Variants in GALNT18 observed in about 807,000 individuals in gnomAD.
GALNT18 encodes the protein polypeptide N-acetylgalactosaminyltransferase 18, also known as GalNAc-transferase 18.
In GALNT18, 44 loss-of-function variants were observed where a neutral mutation model predicts 69.5. The observed-to-expected ratio is 0.63, with a 90% CI of 0.50 to 0.81. The LOEUF (loss-of-function observed/expected upper bound fraction) is 0.81. Among genes scored for constraint, GALNT18 ranks in the 40% least tolerant of loss-of-function variants. The pLI, the probability that GALNT18 is intolerant of heterozygous loss-of-function variation, is 0.00. For missense variants in GALNT18, 715 were observed against 810.0 expected, an observed-to-expected ratio of 0.88 and a Z score of 1.42; for synonymous variants, 364 against 318.2, an observed-to-expected ratio of 1.14 and a Z score of -1.53.
In GALNT18 at chr11:11,372,929, A is replaced by G. The variant is rs1290387610; in HGVS notation, c.978-300T>C. 6.6e-6 allele frequency among the ~76,000 whole-genome samples: 1 copy of G among 152,046 alleles called. No homozygotes were observed. Among genetic ancestry groups the G allele is most frequent in the Non-Finnish European group, 1.5e-5 (1 of 68,030 alleles). ...CAGCCTGCCAGTCTAGGTTGACTGT[A>G]TCTCCCGCTGCCCTGACCCTGACCT... On this transcript the variant is annotated intron_variant, in intron 5 of 10. Transcript: ENST00000227756. The surrounding 1 kb of genome is among the most constrained non-coding windows in gnomAD (Gnocchi z 4.9).
intron 10 of GALNT18, among the ~76,000 whole-genome samples, chr11:11,272,704 C>T (rs566106014): frequency 7.9e-4 from 121 of 152,320 alleles, no homozygotes; most frequent in African/African-American, 2.8e-3. Flanking sequence ...CTCAACTCCT[C>T]CATTTCCTCC....
At chr11:11,272,630 G>A (rs1238586118) in intron 10 of GALNT18, among the ~76,000 whole-genome samples, 1 of 152,192 alleles carries the variant, frequency 6.6e-6, no homozygotes, top group African/African-American at 2.4e-5. Flanking sequence ...AGCAAGCTGT[G>A]CTCTCCGCTT....
intron 1 of GALNT18, among the ~76,000 whole-genome samples, chr11:11,453,735 C>A (rs545035268): frequency 1.3e-5 from 2 of 152,204 alleles, no homozygotes; most frequent in Non-Finnish European, 2.9e-5. Flanking sequence ...CCTGCACACG[C>A]TCTCTTCCCT....
Position 11,595,638 on chromosome 11 carries a change from A to G in GALNT18, c.235+25721T>C, listed in dbSNP as rs1170135467. On this transcript the variant is annotated intron_variant, in intron 1 of 10. Coordinates refer to ENST00000227756, the MANE Select transcript of GALNT18 (RefSeq NM_198516.3). The surrounding 1 kb of genome is among the most constrained non-coding windows in gnomAD (Gnocchi z 5.2). ...ATTTACATTTCCCAAATGGCTAATTATGTCCAGCATCCTTTCATGTGGTTA... is the reference window on the plus strand; with the variant it reads ...ATTTACATTTCCCAAATGGCTAATTGTGTCCAGCATCCTTTCATGTGGTTA... 6.6e-6 allele frequency among the ~76,000 whole-genome samples: 1 copy of G among 152,212 alleles called. No individual in the cohort carries two copies. Among genetic ancestry groups the G allele is most frequent in the Non-Finnish European group, 1.5e-5 (1 of 68,036 alleles).
chr11:11,515,832 G>A (rs376607643), intron 1 of GALNT18, among the ~76,000 whole-genome samples: 1 of 152,320 alleles, frequency 6.6e-6, no homozygotes, highest in East Asian at 1.9e-4. Flanking sequence ...CAGGAAGGAA[G>A]GGCCCTGAAA....
intron 1 of GALNT18, among the ~76,000 whole-genome samples, chr11:11,545,013 G>C (rs976258869): frequency 2.0e-5 from 3 of 152,136 alleles, no homozygotes; most frequent in Non-Finnish European, 4.4e-5. Context: ...CAAATAATTA[G>C]AGCAGTATTT....
chr11:11,372,475 G>A lies in GALNT18; in HGVS notation c.1092+40C>T. Reference sequence around the variant, plus strand: ...ACCCCCAGACTCATTCACCCTGGTGGGAGCTGAGCCGAGCAGTTTGAGTGA... The same window carrying A: ...ACCCCCAGACTCATTCACCCTGGTGAGAGCTGAGCCGAGCAGTTTGAGTGA... On this transcript the variant is annotated intron_variant, in intron 6 of 10. Coordinates refer to ENST00000227756, the MANE Select transcript of GALNT18 (RefSeq NM_198516.3). This position sits in a 1 kb window ranked among gnomAD's most constrained non-coding sequence, Gnocchi z 4.9. 6.6e-7 allele frequency: 1 copy of A among 1,510,846 alleles called. No individual in the cohort carries two copies. Among genetic ancestry groups the A allele is most frequent in the East Asian group, 2.3e-5 (1 of 44,348 alleles). The allele number at this position is 1,510,846 out of a possible 1,614,324, so 93.6% of individuals were successfully genotyped here. A position where few individuals can be genotyped will look rare whatever the true frequency, so the allele number is the denominator to read the frequency against.
intron 1 of GALNT18, among the ~76,000 whole-genome samples, chr11:11,487,241 T>G (rs1053383981): frequency 1.3e-5 from 2 of 152,090 alleles, no homozygotes; most frequent in African/African-American, 4.8e-5. Flanking sequence ...AATGACACAG[T>G]GGACTTTGGG....
intron 6 of GALNT18, chr11:11,351,869 G>A (rs928328272): frequency 2.1e-5 from 25 of 1,172,212 alleles, no homozygotes; most frequent in Admixed American, 2.1e-4. Context: ...ACCCCTCCCC[G>A]CCAGGCGCAA....
chr11:11,591,955 T>C lies in GALNT18; in HGVS notation c.235+29404A>G, dbSNP rs79493964. ...CCCAACACATGCTGACTGAGTGACC[T>C]CAGATACATGATTTAATGTTTCTGT... is the stretch of plus-strand genomic sequence containing the variant. On this transcript the variant is annotated intron_variant, in intron 1 of 10. Coordinates refer to ENST00000227756, the MANE Select transcript of GALNT18 (RefSeq NM_198516.3). This position sits in a 1 kb window ranked among gnomAD's most constrained non-coding sequence, Gnocchi z 4.8. Among the ~76,000 whole-genome samples, 3,684 of 152,272 alleles carry C rather than the reference T, an allele frequency of 0.024. 155 individuals carry two copies. The highest frequency in any genetic ancestry group is 0.085 in the African/African-American group (3,512 of 41,522).
At chr11:11,517,501 A>G (rs747192393) in intron 1 of GALNT18, among the ~76,000 whole-genome samples, 4 of 152,234 alleles carry the variant, frequency 2.6e-5, no homozygotes, top group Non-Finnish European at 5.9e-5. Context: ...ATATGGACTT[A>G]ATTTAATCAA....
intron 2 of GALNT18, among the ~76,000 whole-genome samples, chr11:11,434,416 G>A (rs1232239509): frequency 6.6e-6 from 1 of 152,182 alleles, no homozygotes. Context: ...GGTACAGCAG[G>A]AAGTGGACAC....
chr11:11,285,680 C>G (rs750978086), intron 10 of GALNT18, among the ~76,000 whole-genome samples: 1 of 152,178 alleles, frequency 6.6e-6, no homozygotes, highest in Non-Finnish European at 1.5e-5. Context: ...ATTAAATACT[C>G]GATTATTGTC....
intron 3 of GALNT18, among the ~76,000 whole-genome samples, chr11:11,394,157 T>G (rs1170378738): frequency 6.6e-6 from 1 of 152,236 alleles, no homozygotes; most frequent in Non-Finnish European, 1.5e-5. Flanking sequence ...TGACAACCTC[T>G]GCAGGGGATT....
chr11:11,457,658 T>C (rs913804308), intron 1 of GALNT18, among the ~76,000 whole-genome samples: 1 of 152,226 alleles, frequency 6.6e-6, no homozygotes, highest in African/African-American at 2.4e-5. Context: ...AGCTAGTCTG[T>C]GCACTCTCTG....
chr11:11,361,179 G>A (rs953350832), intron 6 of GALNT18, among the ~76,000 whole-genome samples: 1 of 152,320 alleles, frequency 6.6e-6, no homozygotes, highest in Admixed American at 6.5e-5. Flanking sequence ...AATAAATAAT[G>A]AACCCACCTG....
chr11:11,306,365 T>C (rs1164648236), intron 9 of GALNT18, among the ~76,000 whole-genome samples: 2 of 152,030 alleles, frequency 1.3e-5, no homozygotes, highest in African/African-American at 4.8e-5. Flanking sequence ...AATATGCAGG[T>C]TAAGATCCAG....
intron 6 of GALNT18, among the ~76,000 whole-genome samples, chr11:11,346,995 G>A (rs12283091): frequency 0.02 from 3,035 of 152,238 alleles, 81 homozygotes; most frequent in African/African-American, 0.062. Context: ...AAGCTCCCAC[G>A]AGCAAAGGCG....
In GALNT18 at chr11:11,586,900, A is replaced by T. The variant is rs1431673734; in HGVS notation, c.235+34459T>A. On this transcript the variant is annotated intron_variant, in intron 1 of 10. Transcript: ENST00000227756. This position sits in a 1 kb window ranked among gnomAD's most constrained non-coding sequence, Gnocchi z 4.1. ...CTACTCAGGAGGCTGAGGCAGGAGA[A>T]TCACTTGAACCCAGGAGGCGGAGGG... 6.6e-6 allele frequency among the ~76,000 whole-genome samples: 1 copy of T among 152,144 alleles called. No homozygotes were observed. The highest frequency in any genetic ancestry group is 3.2e-3 in the Middle Eastern group (1 of 316).
Sources: allele counts gnomAD v4.1 joint callset (sites outside exome capture counted in the v4.1 genomes callset), GRCh38; gene constraint gnomAD v4.1.1; non-coding constraint Gnocchi (gnomAD v3.1); transcripts MANE v1.5; gene names NCBI Gene and HGNC (gene_info 2026-07-23, HGNC 2026-07-21).